The following KCNK5 variants were observed in gnomAD, a reference collection of about 807,000 sequenced individuals.
KCNK5 encodes potassium two pore domain channel subfamily K member 5.
KCNK5 carries 18 observed loss-of-function variants against 32.9 expected under a neutral mutation model. The observed-to-expected ratio is 0.55, with a 90% CI of 0.38 to 0.81. The LOEUF (loss-of-function observed/expected upper bound fraction) is 0.81. Ranked by LOEUF, KCNK5 falls within the 30% of genes least tolerant of loss-of-function variation. The pLI, the probability that KCNK5 is intolerant of heterozygous loss-of-function variation, is 0.00. For missense variants in KCNK5, 507 were observed against 651.0 expected, an observed-to-expected ratio of 0.78 and a Z score of 2.41; for synonymous variants, 276 against 275.3, an observed-to-expected ratio of 1.00 and a Z score of -0.03.
At chr6:39,211,700 A>G (rs1268740486) in intron 1 of KCNK5, among the ~76,000 whole-genome samples, 1 of 152,240 alleles carries the variant, frequency 6.6e-6, no homozygotes, top group Non-Finnish European at 1.5e-5. Flanking sequence ...GCGGTGGCTC[A>G]TGCCTATAAT....
rs190280302 is a variant in KCNK5 at position 39,202,611 on chromosome 6, C to T, written c.187-6624G>A. 2.6e-5 allele frequency among the ~76,000 whole-genome samples: 4 copies of T among 152,252 alleles called. No homozygotes were observed. In the East Asian group the frequency reaches 5.8e-4, roughly 22 times the overall value. On this transcript the variant is annotated intron_variant, in intron 1 of 4. Coordinates refer to ENST00000359534, the MANE Select transcript of KCNK5 (RefSeq NM_003740.4). ...AGGCCTGTCCCCTTGGGAAACTCCA[C>T]GAGGGCAGTAAATGTACCGAGAGCA...
chr6:39,194,083 C>A lies in KCNK5; in HGVS notation c.634+86G>T. Reference sequence around the variant, plus strand: ...AAGAGAAGTGCCCAGAACATGGAACCCTACCTAGGGCACCCCCAACATAGG... The same window carrying A: ...AAGAGAAGTGCCCAGAACATGGAACACTACCTAGGGCACCCCCAACATAGG... On this transcript the variant is annotated intron_variant, in intron 4 of 4. Coordinates refer to ENST00000359534, the MANE Select transcript of KCNK5 (RefSeq NM_003740.4). This position sits in a 1 kb window ranked among gnomAD's most constrained non-coding sequence, Gnocchi z 4.7. The A allele has an allele frequency of 6.8e-7, 1 of 1,465,298 alleles. No homozygotes were observed. Among genetic ancestry groups the A allele is most frequent in the Non-Finnish European group, 9.5e-7 (1 of 1,049,620 alleles). The allele number at this position is 1,465,298 out of a possible 1,614,324, so 90.8% of individuals were successfully genotyped here. A position where few individuals can be genotyped will look rare whatever the true frequency, so the allele number is the denominator to read the frequency against.
intron 1 of KCNK5, among the ~76,000 whole-genome samples, chr6:39,226,305 C>A (rs1464031935): frequency 6.6e-6 from 1 of 152,180 alleles, no homozygotes; most frequent in Non-Finnish European, 1.5e-5. Context: ...AGAGGACGAT[C>A]ACGTGGTCCC....
chr6:39,196,286 C>T (rs1771029364), intron 1 of KCNK5, among the ~76,000 whole-genome samples: 1 of 152,226 alleles, frequency 6.6e-6, no homozygotes, highest in Admixed American at 6.5e-5. Flanking sequence ...CAACAGACTG[C>T]TGGCCCCTAC....
intron 4 of KCNK5, among the ~76,000 whole-genome samples, chr6:39,192,427 TCCCCAG>T (rs1290370301): frequency 1.5e-4 from 23 of 151,070 alleles, no homozygotes; most frequent in African/African-American, 5.6e-4. Flanking sequence ...TCTTCTACCA[TCCCCAG>T]CTGTTCTGCG....
chr6:39,207,991 C>T (rs1771259527), intron 1 of KCNK5, among the ~76,000 whole-genome samples: 1 of 152,100 alleles, frequency 6.6e-6, no homozygotes, highest in Admixed American at 6.6e-5. Context: ...CACTACCCTA[C>T]CTCTTGCCTC....
chr6:39,202,424 G>C (rs981502812), intron 1 of KCNK5, among the ~76,000 whole-genome samples: 1 of 152,148 alleles, frequency 6.6e-6, no homozygotes, highest in African/African-American at 2.4e-5. Context: ...GCAGAGGTGG[G>C]GATCACCAGG....
chr6:39,191,004 G>C lies in KCNK5; in HGVS notation c.1386C>G (p.Gly462=). The C allele has an allele frequency of 6.3e-7, 1 of 1,585,542 alleles. No individual in the cohort carries two copies. Among genetic ancestry groups the C allele is most frequent in the Non-Finnish European group, 8.6e-7 (1 of 1,166,852 alleles). ...TGGACTCGGAGGAGGAGGGGAACTC[G>C]CCCATGTTCAGGGGCGCCTTGGCTT... ...GAEAKAPLNM[G]EFPSSSESTF... is the part of the protein sequence containing the mutation. The change falls in exon 5 of 5, where the codon GGC becomes GGG. Residue 462 remains glycine (G), a synonymous_variant. Coordinates refer to ENST00000359534, the MANE Select transcript of KCNK5 (RefSeq NM_003740.4). This position sits in a 1 kb window ranked among gnomAD's most constrained non-coding sequence, Gnocchi z 5.8.
rs184311647 is a variant in KCNK5 at position 39,204,637 on chromosome 6, C to A, written c.187-8650G>T. 1.8e-3 allele frequency among the ~76,000 whole-genome samples: 271 copies of A among 152,360 alleles called. 3 individuals carry two copies. Among genetic ancestry groups the A allele is most frequent in the Admixed American group, 0.016 (245 of 15,308 alleles). ...GCTTGAACTGCGAACCAGGATGCTG[C>A]AAAGCTCCCCCAGGTGATTCTAATC... On this transcript the variant is annotated intron_variant, in intron 1 of 4. Transcript: ENST00000359534.
intron 2 of KCNK5, 89 bp downstream of exon 2, chr6:39,195,787 A>T (rs147546812): frequency 3.1e-5 from 26 of 832,828 alleles, no homozygotes; most frequent in Non-Finnish European, 4.9e-5. Flanking sequence ...TACCCCCAAC[A>T]GGGCTGAGTG....
At position 39,229,354 on chromosome 6, in the gene KCNK5, G is replaced by T; in HGVS notation, c.-243C>A. 5.3e-6 allele frequency: 3 copies of T among 561,652 alleles called. No individual in the cohort carries two copies. Among genetic ancestry groups the T allele is most frequent in the Non-Finnish European group, 6.4e-6 (2 of 313,656 alleles). The allele number at this position is 561,652 out of a possible 1,614,324, so 34.8% of individuals were successfully genotyped here. A position where few individuals can be genotyped will look rare whatever the true frequency, so the allele number is the denominator to read the frequency against. ...CCCGGGGTGGGCGAACACCAGCGGGGCTGAAAGGGCGCCCTGGACCGCGGA... is the reference window on the plus strand; with the variant it reads ...CCCGGGGTGGGCGAACACCAGCGGGTCTGAAAGGGCGCCCTGGACCGCGGA... On this transcript the variant is annotated 5_prime_UTR_variant, in exon 1 of 5. Coordinates refer to ENST00000359534, the MANE Select transcript of KCNK5 (RefSeq NM_003740.4).
Position 39,229,233 on chromosome 6 carries a change from G to A in KCNK5, c.-122C>T. Reference sequence around the variant, plus strand: ...TGGAGCTCCGCATGCGCAGTGCCCGGTACTCACCCCCCGCAAGCACCGCTC... The same window carrying A: ...TGGAGCTCCGCATGCGCAGTGCCCGATACTCACCCCCCGCAAGCACCGCTC... On this transcript the variant is annotated 5_prime_UTR_variant, in exon 1 of 5. Transcript: ENST00000359534. 1 of 969,898 alleles carries A rather than the reference G, an allele frequency of 1.0e-6. No homozygotes were observed. The highest frequency in any genetic ancestry group is 1.6e-5 in the South Asian group (1 of 61,430). The allele number at this position is 969,898 out of a possible 1,614,324, so 60.1% of individuals were successfully genotyped here.
intron 1 of KCNK5, among the ~76,000 whole-genome samples, chr6:39,197,028 A>G (rs552635298): frequency 6.6e-6 from 1 of 152,298 alleles, no homozygotes; most frequent in South Asian, 2.1e-4. Context: ...CCTGGACCCC[A>G]GAAGTCACAT....
In KCNK5 at chr6:39,190,862, A is replaced by C. The variant is rs1770910768; in HGVS notation, c.*28T>G. Reference sequence around the variant, plus strand: ...TAGGGTGAGGGGGGAAGAGGCCATCAAAGGTGGGGTGGGGAGCCGGCCCTG... The same window carrying C: ...TAGGGTGAGGGGGGAAGAGGCCATCCAAGGTGGGGTGGGGAGCCGGCCCTG... On this transcript the variant is annotated 3_prime_UTR_variant, in exon 5 of 5. Coordinates refer to ENST00000359534, the MANE Select transcript of KCNK5 (RefSeq NM_003740.4). 1 of 1,453,616 alleles carries C rather than the reference A, an allele frequency of 6.9e-7. No individual in the cohort carries two copies. Among genetic ancestry groups the C allele is most frequent in the South Asian group, 1.5e-5 (1 of 66,248 alleles). The allele number at this position is 1,453,616 out of a possible 1,614,324, so 90.0% of individuals were successfully genotyped here. A position where few individuals can be genotyped will look rare whatever the true frequency, so the allele number is the denominator to read the frequency against.
intron 1 of KCNK5, among the ~76,000 whole-genome samples, chr6:39,201,253 C>CTT (rs11291715): frequency 2.8e-5 from 4 of 141,362 alleles, no homozygotes; most frequent in African/African-American, 5.2e-5. Flanking sequence ...CTTTTTTCTT[C>CTT]TTTTTTTTTT....
In KCNK5 at chr6:39,194,605, C is replaced by G. The variant is rs764828445; in HGVS notation, c.454G>C (p.Gly152Arg). ...KRLGQFLTKRGVSLRKAQITC... is the reference protein window; with the variant it reads ...KRLGQFLTKRRVSLRKAQITC... Reference sequence around the variant, plus strand: ...GGTAGGGGACATACCAGACTCACACCTCTCTTGGTAAGGAACTGCCCTAGT... The same window carrying G: ...GGTAGGGGACATACCAGACTCACACGTCTCTTGGTAAGGAACTGCCCTAGT... The change falls in exon 3 of 5, where the codon GGT becomes CGT. Residue 152 changes from glycine to arginine, a missense_variant. This residue lies in a region of KCNK5 where 143 missense variants were observed against 219.1 expected (regional missense o/e 0.65). Coordinates refer to ENST00000359534, the MANE Select transcript of KCNK5 (RefSeq NM_003740.4). This position sits in a 1 kb window ranked among gnomAD's most constrained non-coding sequence, Gnocchi z 4.7. 1.9e-6 allele frequency: 3 copies of G among 1,614,008 alleles called. No individual in the cohort carries two copies. The African/African-American group carries it at 4.0e-5, about 22-fold the overall frequency.
In KCNK5 at chr6:39,190,860, T is replaced by C. The variant is rs1034274605; in HGVS notation, c.*30A>G. 2 of 1,452,834 alleles carry C rather than the reference T, an allele frequency of 1.4e-6. No individual in the cohort carries two copies. Among genetic ancestry groups the C allele is most frequent in the African/African-American group, 2.9e-5 (2 of 69,948 alleles). 90.0% of individuals were successfully genotyped at this position (1,452,834 alleles called of 1,614,324 possible). The stretch of plus-strand genomic sequence containing the variant: ...CCTAGGGTGAGGGGGGAAGAGGCCA[T>C]CAAAGGTGGGGTGGGGAGCCGGCCC... On this transcript the variant is annotated 3_prime_UTR_variant, in exon 5 of 5. Transcript: ENST00000359534.
chr6:39,228,974 G>A lies in KCNK5; in HGVS notation c.138C>T (p.Leu46=). ...CCTGACCCAGGCACGGGAACTCCTT[G>A]AGCAGATGCAGCTTCTGTGTGTAGT... ...KNYYTQKLHL[L]KEFPCLGQEG... is the part of the protein sequence containing the mutation. The change falls in exon 1 of 5, where the codon CTC becomes CTT. Residue 46 remains leucine (L), a synonymous_variant. Coordinates refer to ENST00000359534, the MANE Select transcript of KCNK5 (RefSeq NM_003740.4). 6.2e-7 allele frequency: 1 copy of A among 1,614,204 alleles called. No homozygotes were observed. Among genetic ancestry groups the A allele is most frequent in the South Asian group, 1.1e-5 (1 of 91,080 alleles).
Position 39,190,993 on chromosome 6 carries a change from G to A in KCNK5, c.1397C>T (p.Ser466Phe). ...GCTGGTGAAGGTGGACTCGGAGGAG[G>A]AGGGGAACTCGCCCATGTTCAGGGG... is the stretch of plus-strand genomic sequence containing the variant. ...KAPLNMGEFP[S>F]SSESTFTSTE... Residue 466 changes from serine (S) to phenylalanine (F), a missense_variant, in exon 5 of 5, where the codon TCC becomes TTC. By Grantham distance (155) the Ser-to-Phe change is radical (BLOSUM62 -2). Coordinates refer to ENST00000359534, the MANE Select transcript of KCNK5 (RefSeq NM_003740.4). The A allele has an allele frequency of 1.3e-6, 2 of 1,574,184 alleles. No individual in the cohort carries two copies. Among genetic ancestry groups the A allele is most frequent in the South Asian group, 2.4e-5 (2 of 84,420 alleles).
Sources: gnomAD v4.1 joint callset for allele counts (sites outside exome capture counted in the v4.1 genomes callset) on GRCh38, gnomAD v4.1.1 for gene constraint, gnomAD v4.1.1 regional missense constraint, Gnocchi (gnomAD v3.1) non-coding constraint, MANE v1.5 for transcripts, NCBI Gene and HGNC (gene_info 2026-07-23, HGNC 2026-07-21) for gene names.